NCAM1: variants seen among roughly 807,000 people sequenced by gnomAD.
NCAM1 encodes antigen recognized by monoclonal antibody 5.1H11.
In NCAM1, 14 loss-of-function variants were observed where a neutral mutation model predicts 109.8. The ratio of observed to expected loss-of-function variants is 0.13; its 90% CI spans 0.08 to 0.20. NCAM1 has a LOEUF of 0.20. Among genes scored for constraint, NCAM1 ranks in the 10% least tolerant of loss-of-function variants. The probability of loss-of-function intolerance (pLI) is 1.00; values close to 1 mark genes in which losing one functional copy is unlikely to be tolerated. For synonymous variants in NCAM1, 418 were observed against 442.9 expected, an observed-to-expected ratio of 0.94 and a Z score of 0.70; for missense variants, 774 against 1,109.9, an observed-to-expected ratio of 0.70 and a Z score of 4.30.
At chr11:113,207,752 C>A in intron 6 of NCAM1, 81 bp from the exon 7 acceptor site, 1 of 1,427,724 alleles carries the variant, frequency 7.0e-7, no homozygotes, top group Non-Finnish European at 9.6e-7. Context: ...ACTCAGTCTG[C>A]ATTCTATGGA....
At chr11:113,152,916 C>T (rs1942275839) in intron 1 of NCAM1, among the ~76,000 whole-genome samples, 2 of 152,050 alleles carry the variant, frequency 1.3e-5, no homozygotes, top group Admixed American at 1.3e-4. Flanking sequence ...ACATCATCCT[C>T]ATCTTTAGGC....
chr11:113,175,955 T>A lies in NCAM1; in HGVS notation c.53-26424T>A, dbSNP rs542506494. On this transcript the variant is annotated intron_variant, in intron 1 of 19. Coordinates refer to ENST00000316851, the MANE Select transcript of NCAM1 (RefSeq NM_181351.5). ...GGTGGCAGTTACCCTGATTTGATTA[T>A]GTGAATGTATGAAATCATCGCATGT... 5.9e-5 allele frequency among the ~76,000 whole-genome samples: 9 copies of A among 152,336 alleles called. No homozygotes were observed. The East Asian group carries it at 1.7e-3, about 29-fold the overall frequency.
At chr11:113,022,717 CGTAG>C (rs1343027942) in intron 1 of NCAM1, among the ~76,000 whole-genome samples, 1 of 151,936 alleles carries the variant, frequency 6.6e-6, no homozygotes, top group African/African-American at 2.4e-5. Flanking sequence ...CAGGCAGGTA[CGTAG>C]GTAGGTAGGT....
rs1950616171 is a variant in NCAM1 at position 112,963,122 on chromosome 11, C to G, written c.52+1458C>G. On this transcript the variant is annotated intron_variant, in intron 1 of 19. Coordinates refer to ENST00000316851, the MANE Select transcript of NCAM1 (RefSeq NM_181351.5). This position sits in a 1 kb window ranked among gnomAD's most constrained non-coding sequence, Gnocchi z 4.6. Reference sequence around the variant, plus strand: ...GCGAAGCTGGCTGGGCGGGAAGCCGCGAGAGGCTTTTATTGCGGCGCGGGT... The same window carrying G: ...GCGAAGCTGGCTGGGCGGGAAGCCGGGAGAGGCTTTTATTGCGGCGCGGGT... 1 of 152,224 alleles carries G rather than the reference C, an allele frequency of 6.6e-6. No homozygotes were observed. The highest frequency in any genetic ancestry group is 2.0e-4 in the East Asian group (1 of 5,074). The allele number at this position is 152,224 out of a possible 1,614,324, so 9.4% of individuals were successfully genotyped here.
intron 1 of NCAM1, among the ~76,000 whole-genome samples, chr11:113,037,944 G>A (rs1202872932): frequency 1.3e-5 from 2 of 152,054 alleles, no homozygotes; most frequent in African/African-American, 4.8e-5. Flanking sequence ...AGATTGTCTG[G>A]CCCAGCCTCC....
chr11:113,136,367 G>T (rs971967962), intron 1 of NCAM1, among the ~76,000 whole-genome samples: 3 of 152,188 alleles, frequency 2.0e-5, no homozygotes, highest in Non-Finnish European at 4.4e-5. Context: ...GTGTTGGGCT[G>T]TGGGGTGGGC....
At chr11:113,010,850 CTT>C (rs1165767594) in intron 1 of NCAM1, among the ~76,000 whole-genome samples, 71 of 152,238 alleles carry the variant, frequency 4.7e-4, no homozygotes, top group African/African-American at 1.6e-3. Context: ...CAAATGAACA[CTT>C]AAGACAGTAG....
chr11:112,976,874 G>A (rs1164325767), intron 1 of NCAM1, among the ~76,000 whole-genome samples: 6 of 151,814 alleles, frequency 4.0e-5, no homozygotes, highest in African/African-American at 1.5e-4. Flanking sequence ...AAATCGAGTT[G>A]CATTTTGGTG....
At chr11:113,103,868 A>C (rs1433866862) in intron 1 of NCAM1, among the ~76,000 whole-genome samples, 1 of 152,108 alleles carries the variant, frequency 6.6e-6, no homozygotes, top group East Asian at 1.9e-4. Context: ...CACTAAAATT[A>C]GATTTTTATG....
intron 7 of NCAM1, among the ~76,000 whole-genome samples, chr11:113,208,768 C>T (rs1944313264): frequency 6.6e-6 from 1 of 152,144 alleles, no homozygotes; most frequent in South Asian, 2.1e-4. Flanking sequence ...CTGTCTCCTA[C>T]CTCTACTAGT....
intron 1 of NCAM1, among the ~76,000 whole-genome samples, chr11:113,201,432 A>T (rs1944056490): frequency 6.6e-6 from 1 of 152,194 alleles, no homozygotes; most frequent in South Asian, 2.1e-4. Flanking sequence ...ACTGAACCAA[A>T]TACCTGTTTG....
intron 1 of NCAM1, among the ~76,000 whole-genome samples, chr11:113,177,434 G>C (rs184525563): frequency 3.9e-5 from 6 of 152,060 alleles, no homozygotes; most frequent in Middle Eastern, 3.4e-3. Context: ...ATTATGTCTT[G>C]TTGTTGTTGT....
intron 1 of NCAM1, among the ~76,000 whole-genome samples, chr11:112,992,057 G>A (rs1254565755): frequency 6.6e-6 from 1 of 152,140 alleles, no homozygotes; most frequent in African/African-American, 2.4e-5. Context: ...ACAGGGAAGA[G>A]GAAGCCATGG....
rs1942524666 is a variant in NCAM1, at chr11:113,159,427, G to A, written c.53-42952G>A. On this transcript the variant is annotated intron_variant, in intron 1 of 19. Coordinates refer to ENST00000316851, the MANE Select transcript of NCAM1 (RefSeq NM_181351.5). ...CCAGAATTGCAGAAATGTTTACAGTGGCAAGTAAGTCTCCATTTTCAGTTC... is the reference window on the plus strand; with the variant it reads ...CCAGAATTGCAGAAATGTTTACAGTAGCAAGTAAGTCTCCATTTTCAGTTC... 2.6e-5 allele frequency among the ~76,000 whole-genome samples: 4 copies of A among 151,914 alleles called. No individual in the cohort carries two copies. The South Asian group carries it at 8.3e-4, about 32-fold the overall frequency.
At chr11:113,086,462 G>C (rs1321409480) in intron 1 of NCAM1, among the ~76,000 whole-genome samples, 1 of 152,152 alleles carries the variant, frequency 6.6e-6, no homozygotes, top group East Asian at 1.9e-4. Context: ...ATATTGGGAA[G>C]GGCAGAGCAA....
At chr11:112,973,250 C>A (rs781966056) in intron 1 of NCAM1, among the ~76,000 whole-genome samples, 1 of 152,084 alleles carries the variant, frequency 6.6e-6, no homozygotes, top group Non-Finnish European at 1.5e-5. Context: ...TTCGTTTAGT[C>A]ATTTTCAATT....
At chr11:113,096,939 G>T (rs1180280686) in intron 1 of NCAM1, among the ~76,000 whole-genome samples, 1 of 152,072 alleles carries the variant, frequency 6.6e-6, no homozygotes, top group Non-Finnish European at 1.5e-5. Flanking sequence ...TTGTTACACA[G>T]CAGGCACTAC....
In NCAM1 at chr11:113,176,703, C is replaced by G. The variant is rs1555107080; in HGVS notation, c.53-25676C>G. The stretch of plus-strand genomic sequence containing the variant: ...CTAAGATATGAGACATCTGTAAATC[C>G]TCTCATTGTTTGTTTTTTTCTGTGT... On this transcript the variant is annotated intron_variant, in intron 1 of 19. Coordinates refer to ENST00000316851, the MANE Select transcript of NCAM1 (RefSeq NM_181351.5). Among the ~76,000 whole-genome samples the G allele has an allele frequency of 2.6e-5, 4 of 152,156 alleles. No individual in the cohort carries two copies. In the South Asian group the frequency reaches 8.3e-4, roughly 32 times the overall value.
At position 113,260,300 on chromosome 11, in the gene NCAM1, C is replaced by T. The variant is rs782806643; in HGVS notation, c.2108C>T (p.Ser703Leu). 26 of 1,612,832 alleles carry T rather than the reference C, an allele frequency of 1.6e-5. No homozygotes were observed. In the Admixed American group the frequency reaches 2.0e-4, roughly 12 times the overall value. The change falls in exon 17 of 20, where the codon TCG becomes TTG. Residue 703 changes from serine (S) to leucine (L), a missense_variant. Around this residue, in one of 4 missense-constraint regions of NCAM1, gnomAD observed 523 missense variants for 784.2 expected, o/e 0.67. Coordinates refer to ENST00000316851, the MANE Select transcript of NCAM1 (RefSeq NM_181351.5). Reference sequence around the variant, plus strand: ...GCGGCTCATTTTGTGTTCAGGACCTCGGCCCAGCCCACAGCCATCCCAGGT... The same window carrying T: ...GCGGCTCATTTTGTGTTCAGGACCTTGGCCCAGCCCACAGCCATCCCAGGT... Reference protein sequence around the residue: ...SKAAHFVFRTSAQPTAIPANG... With the variant: ...SKAAHFVFRTLAQPTAIPANG...
Sources: allele counts gnomAD v4.1 joint callset (sites outside exome capture counted in the v4.1 genomes callset), GRCh38; gene constraint gnomAD v4.1.1; regional missense constraint gnomAD v4.1.1; non-coding constraint Gnocchi (gnomAD v3.1); transcripts MANE v1.5; gene names NCBI Gene and HGNC (gene_info 2026-07-23, HGNC 2026-07-21).